The following CBL variants were observed in gnomAD, a reference collection of about 807,000 sequenced individuals.
CBL encodes the protein E3 ubiquitin-protein ligase CBL.
CBL carries 45 observed loss-of-function variants against 96.9 expected under a neutral mutation model. The ratio of observed to expected loss-of-function variants is 0.46; its 90% CI spans 0.37 to 0.60. The LOEUF (loss-of-function observed/expected upper bound fraction) is 0.60, where lower values mean the gene tolerates loss of function less well. Among genes scored for constraint, CBL ranks in the 20% least tolerant of loss-of-function variants. The pLI is 0.00. For missense variants in CBL, 1,024 were observed against 1,143.5 expected (o/e 0.90, Z 1.51); for synonymous variants, 420 against 426.8 (o/e 0.98, Z 0.20).
intron 1 of CBL, among the ~76,000 whole-genome samples, chr11:119,213,267 A>G (rs1232183765): frequency 6.6e-6 from 1 of 152,182 alleles, no homozygotes; most frequent in African/African-American, 2.4e-5. Context: ...AAATTAGTAT[A>G]TAGCATTTAA....
chr11:119,306,156 G>A lies in CBL; in HGVS notation c.*6375G>A. ...AGAGCAAGCCCCGCATGTCCATGGCGAGTCAGGTGGGGAGCACGGGTGGAA... is the reference window on the plus strand; with the variant it reads ...AGAGCAAGCCCCGCATGTCCATGGCAAGTCAGGTGGGGAGCACGGGTGGAA... On this transcript the variant is annotated 3_prime_UTR_variant, in exon 16 of 16. Transcript: ENST00000264033. The A allele has an allele frequency of 2.5e-6, 1 of 397,646 alleles. No individual in the cohort carries two copies. The highest frequency in any genetic ancestry group is 4.4e-6 in the Non-Finnish European group (1 of 225,796). The allele number at this position is 397,646 out of a possible 1,614,324, so 24.6% of individuals were successfully genotyped here. A position where few individuals can be genotyped will look rare whatever the true frequency, so the allele number is the denominator to read the frequency against.
At chr11:119,231,734 C>T (rs1341386743) in intron 1 of CBL, among the ~76,000 whole-genome samples, 1 of 151,990 alleles carries the variant, frequency 6.6e-6, no homozygotes, top group Non-Finnish European at 1.5e-5. Flanking sequence ...AAACAAAGCT[C>T]AAGACCCTAG....
In CBL at chr11:119,278,719, A is replaced by G; in HGVS notation, c.1431+6A>G. The G allele has an allele frequency of 1.2e-6, 2 of 1,613,080 alleles. No individual in the cohort carries two copies. Among genetic ancestry groups the G allele is most frequent in the Non-Finnish European group, 1.7e-6 (2 of 1,179,154 alleles). On this transcript the variant is annotated splice_donor_region_variant and intron_variant, in intron 9 of 15. Transcript: ENST00000264033. ...AGGAATTGGCTGGTGCCAAGGTAAG[A>G]TGGCAGTTTAGGAGACTGGCAAAAT...
chr11:119,278,328 T>C lies in CBL; in HGVS notation c.1227+31T>C, dbSNP rs776556765. On this transcript the variant is annotated intron_variant, in intron 8 of 15. Coordinates refer to ENST00000264033, the MANE Select transcript of CBL (RefSeq NM_005188.4). ...GATCTAAACAGCGACTTTTTTCAGC[T>C]ATGTAATAACCTTGGAAAATTCGGT... The C allele has an allele frequency of 2.5e-6, 4 of 1,613,230 alleles. No homozygotes were observed. The African/African-American group carries it at 4.0e-5, about 16-fold the overall frequency.
chr11:119,273,887 A>C lies in CBL; in HGVS notation c.610A>C (p.Ser204Arg). 6.2e-7 allele frequency: 1 copy of C among 1,614,062 alleles called. No homozygotes were observed. The change falls in exon 4 of 16, where the codon AGC becomes CGC. Residue 204 changes from serine to arginine, a missense_variant. Around this residue, in one of 4 missense-constraint regions of CBL, gnomAD observed 192 missense variants for 321.8 expected, o/e 0.60. Transcript: ENST00000264033. ...FGEKTIVPWKSFRQALHEVHP... is the reference protein window; with the variant it reads ...FGEKTIVPWKRFRQALHEVHP... ...CCCCAGGACAATAGTCCCTTGGAAG[A>C]GCTTTCGACAGGCTCTACATGAAGT...
At chr11:119,278,805 G>A in intron 9 of CBL, 92 bp downstream of exon 9, 1 of 909,576 alleles carries the variant, frequency 1.1e-6, no homozygotes, top group Non-Finnish European at 1.8e-6. Flanking sequence ...TACAATGATA[G>A]GTAGTATTAA....
Position 119,297,316 on chromosome 11 carries a change from A to G in CBL, c.2154-68A>G, listed in dbSNP as rs1187912499. The G allele has an allele frequency of 8.8e-6, 11 of 1,254,290 alleles. No individual in the cohort carries two copies. The East Asian group carries it at 1.6e-4, about 18-fold the overall frequency. 77.7% of individuals were successfully genotyped at this position (1,254,290 alleles called of 1,614,324 possible). A position where few individuals can be genotyped will look rare whatever the true frequency, so the allele number is the denominator to read the frequency against. On this transcript the variant is annotated intron_variant, in intron 13 of 15. Coordinates refer to ENST00000264033, the MANE Select transcript of CBL (RefSeq NM_005188.4). ...TGATATTGGCAAAACGAGAAGATGA[A>G]TCTTCATAAGTTTATAGATAACAGT... is the stretch of plus-strand genomic sequence containing the variant.
At position 119,297,001 on chromosome 11, in the gene CBL, C is replaced by A; in HGVS notation, c.2120C>A (p.Pro707His). 1 of 1,605,432 alleles carries A rather than the reference C, an allele frequency of 6.2e-7. No individual in the cohort carries two copies. The highest frequency in any genetic ancestry group is 8.5e-7 in the Non-Finnish European group (1 of 1,172,034). ...DTEYMTPSSR[P>H]LRPLDTSQSS... is the part of the protein sequence containing the mutation. The stretch of plus-strand genomic sequence containing the variant: ...GAGTACATGACTCCCTCTTCCAGGC[C>A]TCTACGGCCTTTGGATACATCCCAG... Residue 707 changes from proline (P) to histidine (H), a missense_variant, in exon 13 of 16, where the codon CCT (proline) becomes CAT (histidine). Physicochemically the swap from Pro to His is moderately conservative, Grantham distance 77. This residue lies in a region of CBL where 695 missense variants were observed against 661.6 expected (regional missense o/e 1.05). Coordinates refer to ENST00000264033, the MANE Select transcript of CBL (RefSeq NM_005188.4).
At chr11:119,276,208 T>C (rs760097526) in intron 6 of CBL, 74 bp downstream of exon 6, 46 of 1,441,926 alleles carry the variant, frequency 3.2e-5, no homozygotes, top group Non-Finnish European at 4.1e-5. Context: ...TTAATGACTT[T>C]ATTCCAGGTT....
chr11:119,210,610 T>TTTTTTC (rs2135247656), intron 1 of CBL, among the ~76,000 whole-genome samples: 1 of 145,938 alleles, frequency 6.9e-6, no homozygotes, highest in African/African-American at 2.5e-5. Flanking sequence ...TCAATTTTTT[T>TTTTTTC]TTTTTTTTTT....
In CBL at chr11:119,285,198, G is replaced by A; in HGVS notation, c.1573G>A (p.Gly525Ser). The A allele has an allele frequency of 6.2e-7, 1 of 1,614,074 alleles. No individual in the cohort carries two copies. The highest frequency in any genetic ancestry group is 8.5e-7 in the Non-Finnish European group (1 of 1,180,016). ...CACCCTGCTTCCACAGGCTGCTTCT[G>A]GCTCCCTTCATAAAGACAAACCATT... ...ALGTASKAAS[G>S]SLHKDKPLPV... Residue 525 changes from glycine (G) to serine (S), a missense_variant, in exon 11 of 16, where the codon GGC becomes AGC. Around this residue, in one of 4 missense-constraint regions of CBL, gnomAD observed 695 missense variants for 661.6 expected, o/e 1.05. Transcript: ENST00000264033.
chr11:119,241,869 A>G (rs1315808840), intron 2 of CBL, among the ~76,000 whole-genome samples: 1 of 152,090 alleles, frequency 6.6e-6, no homozygotes, highest in African/African-American at 2.4e-5. Context: ...AGTGGGCAGA[A>G]TTTGATGTAT....
chr11:119,277,727 A>T, intron 6 of CBL, 30 bp from the exon 7 acceptor site: 1 of 1,548,214 alleles, frequency 6.5e-7, no homozygotes, highest in South Asian at 1.1e-5. Flanking sequence ...ATTGGCTTAA[A>T]TAAAACCCAG....
At chr11:119,272,851 T>C (rs1178700859) in intron 3 of CBL, among the ~76,000 whole-genome samples, 1 of 152,242 alleles carries the variant, frequency 6.6e-6, no homozygotes, top group Non-Finnish European at 1.5e-5. Flanking sequence ...ATTACAAATA[T>C]CTTCTCCCAG....
chr11:119,304,576 C>G lies in CBL; in HGVS notation c.*4795C>G, dbSNP rs1407722541. 4.3e-6 allele frequency: 1 copy of G among 232,404 alleles called. No individual in the cohort carries two copies. The highest frequency in any genetic ancestry group is 2.2e-5 in the African/African-American group (1 of 45,254). 14.4% of individuals were successfully genotyped at this position (232,404 alleles called of 1,614,324 possible). On this transcript the variant is annotated 3_prime_UTR_variant, in exon 16 of 16. Coordinates refer to ENST00000264033, the MANE Select transcript of CBL (RefSeq NM_005188.4). ...AGGCACTCTAGTCCTCAAGTCTACA[C>G]CACCTTCCAACTCTGGGGATCACCA...
intron 14 of CBL, among the ~76,000 whole-genome samples, chr11:119,297,742 G>C (rs60489121): frequency 6.6e-6 from 1 of 152,092 alleles, no homozygotes; most frequent in Admixed American, 6.5e-5. Context: ...GAGCCACCAC[G>C]CCCAGACAAA....
chr11:119,297,610 A>G, intron 14 of CBL, 129 bp downstream of exon 14: 1 of 727,462 alleles, frequency 1.4e-6, no homozygotes, highest in Non-Finnish European at 2.5e-6. Flanking sequence ...GGTACGTGCC[A>G]CCATGCCCGG....
At chr11:119,211,771 T>G (rs1592367341) in intron 1 of CBL, among the ~76,000 whole-genome samples, 1 of 151,430 alleles carries the variant, frequency 6.6e-6, no homozygotes, top group South Asian at 2.1e-4. Flanking sequence ...CCAAAAGTAC[T>G]GGAACTAAAA....
chr11:119,303,800 G>A lies in CBL; in HGVS notation c.*4019G>A, dbSNP rs1369491273. On this transcript the variant is annotated 3_prime_UTR_variant, in exon 16 of 16. Coordinates refer to ENST00000264033, the MANE Select transcript of CBL (RefSeq NM_005188.4). ...CATTAAATGTTTAAGCAAAGCATCT[G>A]CCCACACTCCCCTTTCCAATCTAGT... 5 of 233,554 alleles carry A rather than the reference G, an allele frequency of 2.1e-5. No individual in the cohort carries two copies. Among genetic ancestry groups the A allele is most frequent in the African/African-American group, 2.2e-5 (1 of 45,314 alleles). 14.5% of individuals were successfully genotyped at this position (233,554 alleles called of 1,614,324 possible). A position where few individuals can be genotyped will look rare whatever the true frequency, so the allele number is the denominator to read the frequency against.
Sources: gnomAD v4.1 joint callset for allele counts (sites outside exome capture counted in the v4.1 genomes callset) on GRCh38, gnomAD v4.1.1 for gene constraint, gnomAD v4.1.1 regional missense constraint, MANE v1.5 for transcripts, NCBI Gene and HGNC (gene_info 2026-07-23, HGNC 2026-07-21) for gene names.